SEMA6D: variants seen among roughly 807,000 people sequenced by gnomAD.
SEMA6D encodes semaphorin 6D.
Under a neutral mutation model 106.6 loss-of-function variants are expected in SEMA6D, and 35 were observed. The ratio of observed to expected loss-of-function variants is 0.33; its 90% CI spans 0.25 to 0.44. The LOEUF (loss-of-function observed/expected upper bound fraction) is 0.44, where lower values mean the gene tolerates loss of function less well. Among genes scored for constraint, SEMA6D ranks in the 20% least tolerant of loss-of-function variants. The pLI, the probability that SEMA6D is intolerant of heterozygous loss-of-function variation, is 1.00. For missense variants in SEMA6D, 1,185 were observed against 1,345.9 expected (o/e 0.88, Z 1.87); for synonymous variants, 499 against 487.7 (o/e 1.02, Z -0.31).
At chr15:47,474,732 A>C (rs75386954) in intron 3 of SEMA6D, among the ~76,000 whole-genome samples, 2,359 of 152,300 alleles carry the variant, frequency 0.015, 45 homozygotes, top group African/African-American at 0.036. Context: ...ATGCTCAGCA[A>C]ATGGTCCCTT....
At chr15:47,536,895 G>A (rs1318978808) in intron 3 of SEMA6D, among the ~76,000 whole-genome samples, 3 of 152,198 alleles carry the variant, frequency 2.0e-5, no homozygotes, top group African/African-American at 7.2e-5. Flanking sequence ...ATTTCTCCAT[G>A]TAAAAATACT....
At chr15:47,647,481 T>G (rs1462519832) in intron 4 of SEMA6D, among the ~76,000 whole-genome samples, 1 of 152,220 alleles carries the variant, frequency 6.6e-6, no homozygotes, top group African/African-American at 2.4e-5. Context: ...AGTATTTTTG[T>G]GCATGTGCAA....
chr15:47,553,906 G>A lies in SEMA6D; in HGVS notation c.-86-46959G>A, dbSNP rs150784037. Among the ~76,000 whole-genome samples, 119 of 152,284 alleles carry A rather than the reference G, an allele frequency of 7.8e-4. 1 individual carries two copies. Among genetic ancestry groups the A allele is most frequent in the African/African-American group, 2.8e-3 (116 of 41,572 alleles). Reference sequence around the variant, plus strand: ...AAAACTATCCCAAGAGCAATGCATTGCAGGTGCACTCTGCTCTTAGCAACT... The same window carrying A: ...AAAACTATCCCAAGAGCAATGCATTACAGGTGCACTCTGCTCTTAGCAACT... On this transcript the variant is annotated intron_variant, in intron 3 of 19. Transcript: ENST00000558014.
At chr15:47,206,212 A>T (rs1447173078) in intron 1 of SEMA6D, among the ~76,000 whole-genome samples, 1 of 152,196 alleles carries the variant, frequency 6.6e-6, no homozygotes. Flanking sequence ...CCTTTTACTT[A>T]CTGAAAATCA....
intron 1 of SEMA6D, among the ~76,000 whole-genome samples, chr15:47,270,758 C>T (rs899900958): frequency 1.3e-5 from 2 of 152,002 alleles, no homozygotes; most frequent in African/African-American, 4.8e-5. Flanking sequence ...CTTTGGGAGG[C>T]CAAGGCAGGC....
chr15:47,699,463 T>G (rs1382416334), intron 4 of SEMA6D, among the ~76,000 whole-genome samples: 1 of 152,232 alleles, frequency 6.6e-6, no homozygotes, highest in African/African-American at 2.4e-5. Context: ...CTTGTCTCTA[T>G]GCAGTGCATT....
At chr15:47,293,832 A>G (rs188525613) in intron 1 of SEMA6D, among the ~76,000 whole-genome samples, 1 of 152,304 alleles carries the variant, frequency 6.6e-6, no homozygotes, top group African/African-American at 2.4e-5. Flanking sequence ...AGTATATTCA[A>G]TTCACTGGAT....
At chr15:47,235,070 G>C (rs544059557) in intron 1 of SEMA6D, among the ~76,000 whole-genome samples, 8 of 152,040 alleles carry the variant, frequency 5.3e-5, no homozygotes, top group African/African-American at 1.9e-4. Flanking sequence ...TCTCATTGTG[G>C]TTTAAATTGC....
At chr15:47,522,809 C>T (rs1017102977) in intron 3 of SEMA6D, among the ~76,000 whole-genome samples, 8 of 152,074 alleles carry the variant, frequency 5.3e-5, no homozygotes, top group African/African-American at 1.9e-4. Flanking sequence ...GATGACAACT[C>T]TCAAACTGAG....
chr15:47,318,249 T>A (rs190854486), intron 1 of SEMA6D, among the ~76,000 whole-genome samples: 160 of 151,822 alleles, frequency 1.1e-3, no homozygotes, highest in Admixed American at 1.8e-3. Flanking sequence ...ACTTTTTTTT[T>A]AAATTTTTCT....
chr15:47,204,779 G>A (rs1434686396), intron 1 of SEMA6D, among the ~76,000 whole-genome samples: 2 of 152,064 alleles, frequency 1.3e-5, no homozygotes, highest in South Asian at 2.1e-4. Flanking sequence ...CATCTATCAT[G>A]TACAGCATAT....
At chr15:47,495,079 A>T (rs1457921460) in intron 3 of SEMA6D, among the ~76,000 whole-genome samples, 1 of 151,686 alleles carries the variant, frequency 6.6e-6, no homozygotes, top group Middle Eastern at 3.4e-3. Context: ...TAAAAGGTCA[A>T]CTCCATGAGG....
chr15:47,454,030 G>GC (rs1309229278), intron 2 of SEMA6D, among the ~76,000 whole-genome samples: 1 of 151,880 alleles, frequency 6.6e-6, no homozygotes, highest in Non-Finnish European at 1.5e-5. Context: ...CTGCTATCCA[G>GC]CTAGTGTTGT....
intron 1 of SEMA6D, among the ~76,000 whole-genome samples, chr15:47,736,300 G>C (rs929032353): frequency 6.6e-6 from 1 of 152,172 alleles, no homozygotes; most frequent in Non-Finnish European, 1.5e-5. Context: ...AAGAGCCACA[G>C]AGATAAGAGA....
intron 2 of SEMA6D, among the ~76,000 whole-genome samples, chr15:47,449,099 A>G (rs1031746546): frequency 6.6e-6 from 1 of 152,084 alleles, no homozygotes; most frequent in Admixed American, 6.5e-5. Context: ...TATACAGGAC[A>G]TAGTAAATGA....
chr15:47,585,606 A>G (rs1274141348), intron 3 of SEMA6D, among the ~76,000 whole-genome samples: 3 of 152,188 alleles, frequency 2.0e-5, no homozygotes, highest in African/African-American at 4.8e-5. Flanking sequence ...CAATAGCTCA[A>G]CCAAGCAGCG....
At chr15:47,526,766 T>C (rs1406950317) in intron 3 of SEMA6D, among the ~76,000 whole-genome samples, 2 of 152,070 alleles carry the variant, frequency 1.3e-5, no homozygotes, top group East Asian at 3.9e-4. Flanking sequence ...AGACGGAGTC[T>C]CGCACTGTCA....
intron 1 of SEMA6D, among the ~76,000 whole-genome samples, chr15:47,336,982 C>G (rs1403702245): frequency 1.3e-5 from 2 of 152,062 alleles, no homozygotes; most frequent in Non-Finnish European, 2.9e-5. Context: ...TGGTGGAAGT[C>G]CCTGTGTTTG....
intron 3 of SEMA6D, among the ~76,000 whole-genome samples, chr15:47,495,624 T>C (rs987038464): frequency 3.3e-5 from 5 of 152,064 alleles, no homozygotes; most frequent in African/African-American, 1.2e-4. Context: ...TGTTTATGTG[T>C]GGGGTGGTAC....
Sources: gnomAD v4.1 joint callset for allele counts (sites outside exome capture counted in the v4.1 genomes callset) on GRCh38, gnomAD v4.1.1 for gene constraint, MANE v1.5 for transcripts, NCBI Gene and HGNC (gene_info 2026-07-23, HGNC 2026-07-21) for gene names.